The following GPR158 variants were observed in gnomAD, a reference collection of about 807,000 sequenced individuals.
GPR158 encodes the protein metabotropic glycine receptor.
A neutral mutation model predicts 78.2 loss-of-function variants in GPR158; 30 were observed. The ratio of observed to expected loss-of-function variants is 0.38; its 90% CI spans 0.29 to 0.52. GPR158 has a LOEUF of 0.52. Ranked by LOEUF, GPR158 falls within the 20% of genes least tolerant of loss-of-function variation. GPR158 has a pLI of 0.83. For missense variants in GPR158, 1,463 were observed against 1,523.5 expected (o/e 0.96, Z 0.66); for synonymous variants, 581 against 591.1 (o/e 0.98, Z 0.25).
chr10:25,338,615 CAT>C (rs1855260560), intron 2 of GPR158, among the ~76,000 whole-genome samples: 1 of 53,222 alleles, frequency 1.9e-5, no homozygotes, highest in Non-Finnish European at 1.0e-4. Context: ...TATAAAAAAT[CAT>C]ATAAATATAT....
chr10:25,409,129 T>A (rs1834554421), intron 3 of GPR158, among the ~76,000 whole-genome samples: 1 of 152,198 alleles, frequency 6.6e-6, no homozygotes, highest in Non-Finnish European at 1.5e-5. Context: ...CAGCCTTGTG[T>A]TGGCTTTCCT....
At chr10:25,253,998 T>C (rs1244068463) in intron 2 of GPR158, among the ~76,000 whole-genome samples, 1 of 152,234 alleles carries the variant, frequency 6.6e-6, no homozygotes, top group Non-Finnish European at 1.5e-5. Context: ...TTTAGTTTGC[T>C]CTTTCAAATG....
At chr10:25,378,800 T>C (rs1356757609) in intron 2 of GPR158, among the ~76,000 whole-genome samples, 1 of 151,842 alleles carries the variant, frequency 6.6e-6, no homozygotes, top group Non-Finnish European at 1.5e-5. Context: ...TTTATTTTTA[T>C]TTTTGTTTTG....
At chr10:25,572,477 T>C (rs1457247399) in intron 6 of GPR158, among the ~76,000 whole-genome samples, 172 bp from the exon 7 acceptor site, 1 of 152,178 alleles carries the variant, frequency 6.6e-6, no homozygotes, top group Non-Finnish European at 1.5e-5. Flanking sequence ...CACTCCAGCA[T>C]GGGCAACATA....
chr10:25,247,544 C>A (rs1009748456), intron 2 of GPR158, among the ~76,000 whole-genome samples: 1 of 124,582 alleles, frequency 8.0e-6, no homozygotes, highest in African/African-American at 3.1e-5. Context: ...CAATTCCCAC[C>A]TATGAGTGAG....
rs188633720 is a variant in GPR158, at chr10:25,463,318, T to A, written c.1336-3333T>A. On this transcript the variant is annotated intron_variant, in intron 4 of 10. Coordinates refer to ENST00000376351, the MANE Select transcript of GPR158 (RefSeq NM_020752.3). ...ATATGCACTGGGAAACCACAAAATT[T>A]GTGTGATTCACTTTATTTTGATACT... 1.5e-4 allele frequency among the ~76,000 whole-genome samples: 23 copies of A among 152,338 alleles called. No individual in the cohort carries two copies. In the East Asian group the frequency reaches 4.4e-3, roughly 29 times the overall value.
chr10:25,335,270 AAGATGCAACTG>A (rs1855180956), intron 2 of GPR158, among the ~76,000 whole-genome samples: 1 of 152,120 alleles, frequency 6.6e-6, no homozygotes, highest in Admixed American at 6.6e-5. Flanking sequence ...TCAGATGCCA[AAGATGCAACTG>A]CATTCTTGCT....
At chr10:25,330,565 T>C (rs1455334190) in intron 2 of GPR158, among the ~76,000 whole-genome samples, 5 of 152,210 alleles carry the variant, frequency 3.3e-5, no homozygotes, top group African/African-American at 1.2e-4. Flanking sequence ...TCTGATTTGA[T>C]TATGTTTAGA....
intron 5 of GPR158, among the ~76,000 whole-genome samples, chr10:25,469,835 C>T (rs968594213): frequency 1.3e-5 from 2 of 151,676 alleles, no homozygotes; most frequent in Non-Finnish European, 2.9e-5. Flanking sequence ...TAATGAGCCC[C>T]CCCCAACATT....
intron 5 of GPR158, among the ~76,000 whole-genome samples, chr10:25,474,145 G>C (rs548815785): frequency 2.0e-5 from 3 of 152,144 alleles, no homozygotes; most frequent in Non-Finnish European, 4.4e-5. Context: ...AAGAATGCAG[G>C]CAGCCTCTAG....
chr10:25,588,608 T>A (rs1389259449), intron 7 of GPR158, among the ~76,000 whole-genome samples: 2 of 152,262 alleles, frequency 1.3e-5, no homozygotes, highest in East Asian at 3.8e-4. Flanking sequence ...CATATAAACA[T>A]GTTCTAAACT....
Position 25,175,184 on chromosome 10 carries a change from G to T in GPR158, c.-237G>T. 2.2e-6 allele frequency: 1 copy of T among 462,396 alleles called. No homozygotes were observed. The highest frequency in any genetic ancestry group is 3.8e-6 in the Non-Finnish European group (1 of 261,860). The allele number at this position is 462,396 out of a possible 1,614,324, so 28.6% of individuals were successfully genotyped here. A position where few individuals can be genotyped will look rare whatever the true frequency, so the allele number is the denominator to read the frequency against. On this transcript the variant is annotated 5_prime_UTR_variant, in exon 1 of 11. Coordinates refer to ENST00000376351, the MANE Select transcript of GPR158 (RefSeq NM_020752.3). The surrounding 1 kb of genome is among the most constrained non-coding windows in gnomAD (Gnocchi z 6.4). ...CTGCGAGGTGCGTAATCCCCAGCCG[G>T]CCCCTCGCGCAGCGGGCACGGCCAG...
rs35477926 is a variant in GPR158, at chr10:25,539,521, A to ATTTT, written c.1405-11443_1405-11440dup. 4.4e-3 allele frequency among the ~76,000 whole-genome samples: 622 copies of ATTTT among 141,442 alleles called. 10 individuals carry two copies. Among genetic ancestry groups the ATTTT allele is most frequent in the Admixed American group, 6.6e-3 (93 of 14,160 alleles). 92.8% of individuals were successfully genotyped at this position (141,442 alleles called of 152,430 possible). A position where few individuals can be genotyped will look rare whatever the true frequency, so the allele number is the denominator to read the frequency against. Reference sequence around the variant, plus strand: ...GTTTTTAGACCTGTAACCCCTTTTAATTTTTTTTTTTTTTTGGACATTTTC... The same window carrying ATTTT: ...GTTTTTAGACCTGTAACCCCTTTTAATTTTTTTTTTTTTTTTTTTGGACATTTTC... On this transcript the variant is annotated intron_variant, in intron 5 of 10. Transcript: ENST00000376351.
chr10:25,596,991 T>A (rs938753029), intron 10 of GPR158, among the ~76,000 whole-genome samples: 1 of 152,198 alleles, frequency 6.6e-6, no homozygotes, highest in Non-Finnish European at 1.5e-5. Context: ...TGAACCATAG[T>A]ATAAATTAGA....
chr10:25,377,614 A>C (rs1834100000), intron 2 of GPR158, among the ~76,000 whole-genome samples: 1 of 152,058 alleles, frequency 6.6e-6, no homozygotes, highest in Non-Finnish European at 1.5e-5. Context: ...CATTTTATAT[A>C]AGTGAAATCA....
intron 4 of GPR158, among the ~76,000 whole-genome samples, chr10:25,433,087 C>T (rs1471205322): frequency 6.6e-6 from 1 of 152,116 alleles, no homozygotes; most frequent in Non-Finnish European, 1.5e-5. Context: ...TGAATAAACC[C>T]AAAGCCTAAA....
intron 5 of GPR158, among the ~76,000 whole-genome samples, chr10:25,480,852 C>T (rs1387038982): frequency 6.6e-6 from 1 of 152,114 alleles, no homozygotes; most frequent in African/African-American, 2.4e-5. Context: ...ACTCTTTTAT[C>T]CTGGTGGACA....
chr10:25,206,695 T>G lies in GPR158; in HGVS notation c.903-14357T>G, dbSNP rs1853043104. On this transcript the variant is annotated intron_variant, in intron 1 of 10. Coordinates refer to ENST00000376351, the MANE Select transcript of GPR158 (RefSeq NM_020752.3). ...TTTCACAATTCTTTAAATATACTTC[T>G]GTAGCACTATTCTTACTGGCTGCCT... Among the ~76,000 whole-genome samples the G allele has an allele frequency of 2.0e-5, 3 of 152,288 alleles. No individual in the cohort carries two copies. The South Asian group carries it at 6.2e-4, about 32-fold the overall frequency.
intron 1 of GPR158, among the ~76,000 whole-genome samples, chr10:25,208,601 TGTGTATTAGA>T (rs1853081961): frequency 6.7e-6 from 1 of 148,238 alleles, no homozygotes; most frequent in Non-Finnish European, 1.5e-5. Flanking sequence ...TGTGTGTGTG[TGTGTATTAGA>T]ATTGAGAAGT....
Sources: allele counts gnomAD v4.1 joint callset (sites outside exome capture counted in the v4.1 genomes callset), GRCh38; gene constraint gnomAD v4.1.1; non-coding constraint Gnocchi (gnomAD v3.1); transcripts MANE v1.5; gene names NCBI Gene and HGNC (gene_info 2026-07-23, HGNC 2026-07-21).